Variants in MYO9A observed in about 807,000 individuals in gnomAD.
MYO9A encodes unconventional myosin-IXa.
MYO9A carries 103 observed loss-of-function variants against 293.3 expected under a neutral mutation model. The ratio of observed to expected loss-of-function variants is 0.35; its 90% CI spans 0.30 to 0.41. The LOEUF is 0.41. Among genes scored for constraint, MYO9A ranks in the 10% least tolerant of loss-of-function variants. The pLI is 1.00. For synonymous variants in MYO9A, 1,001 were observed against 1,035.7 expected (o/e 0.97, Z 0.64); for missense variants, 2,685 against 3,033.0 (o/e 0.89, Z 2.69).
chr15:72,118,102 G>A lies in MYO9A; in HGVS notation c.-494C>T. The stretch of plus-strand genomic sequence containing the variant: ...CGCGCGCCCCCGACCCCGCGCACGC[G>A]GCCCCGCCCCGCGCGACTCCCCGGC... On this transcript the variant is annotated 5_prime_UTR_variant, in exon 1 of 42. Transcript: ENST00000356056. The A allele has an allele frequency of 7.7e-6, 3 of 390,842 alleles. No homozygotes were observed. Among genetic ancestry groups the A allele is most frequent in the Non-Finnish European group, 1.4e-5 (3 of 221,284 alleles). 24.2% of individuals were successfully genotyped at this position (390,842 alleles called of 1,614,324 possible).
chr15:71,987,349 C>A (rs1337274636), intron 11 of MYO9A, among the ~76,000 whole-genome samples: 1 of 152,190 alleles, frequency 6.6e-6, no homozygotes, highest in South Asian at 2.1e-4. Context: ...AATTCAAGTC[C>A]TCTGCTAAAT....
chr15:71,953,998 C>T (rs987962074), intron 14 of MYO9A, among the ~76,000 whole-genome samples: 12 of 151,792 alleles, frequency 7.9e-5, no homozygotes, highest in Non-Finnish European at 1.5e-4. Flanking sequence ...CGGGTTCAAG[C>T]GATTCTCCTG....
chr15:72,077,612 A>C (rs1242377464), intron 1 of MYO9A, among the ~76,000 whole-genome samples: 1 of 151,532 alleles, frequency 6.6e-6, no homozygotes, highest in Non-Finnish European at 1.5e-5. Flanking sequence ...GAATCACTTG[A>C]ACCGGGGTGA....
intron 2 of MYO9A, among the ~76,000 whole-genome samples, chr15:72,033,832 A>C (rs984481214): frequency 3.9e-5 from 6 of 152,248 alleles, no homozygotes; most frequent in Non-Finnish European, 7.3e-5. Context: ...TGTTTTTAAA[A>C]ATGAAGCCAC....
At chr15:72,113,911 C>G (rs1482377966) in intron 1 of MYO9A, among the ~76,000 whole-genome samples, 1 of 151,968 alleles carries the variant, frequency 6.6e-6, no homozygotes, top group Non-Finnish European at 1.5e-5. Flanking sequence ...CGTTTTAAAA[C>G]AATTGCAGCC....
At chr15:72,105,145 A>T (rs1596589954) in intron 1 of MYO9A, among the ~76,000 whole-genome samples, 1 of 152,364 alleles carries the variant, frequency 6.6e-6, no homozygotes, top group Admixed American at 6.5e-5. Context: ...GATACCTCTG[A>T]AAGCTACAAG....
chr15:71,905,152 T>G, intron 19 of MYO9A, 146 bp from the exon 20 acceptor site: 2 of 497,038 alleles, frequency 4.0e-6, no homozygotes, highest in Non-Finnish European at 6.9e-6. Flanking sequence ...ATTGTGTATA[T>G]TCTCATACTG....
intron 32 of MYO9A, among the ~76,000 whole-genome samples, chr15:71,863,871 T>C (rs1208684328): frequency 6.6e-6 from 1 of 152,180 alleles, no homozygotes; most frequent in Non-Finnish European, 1.5e-5. Flanking sequence ...TCCTTTCAGA[T>C]AGTAATACGG....
At chr15:71,961,004 T>C (rs1428012178) in intron 13 of MYO9A, among the ~76,000 whole-genome samples, 4 of 152,164 alleles carry the variant, frequency 2.6e-5, no homozygotes, top group African/African-American at 9.7e-5. Flanking sequence ...TGAACTTCAG[T>C]TGTTTGTTCA....
chr15:71,994,649 T>C, intron 9 of MYO9A, 64 bp from the exon 10 acceptor site: 1 of 886,022 alleles, frequency 1.1e-6, no homozygotes, highest in East Asian at 2.8e-5. Flanking sequence ...TATGACAAAG[T>C]TGTTTGCTCC....
At chr15:71,924,387 G>A (rs563811162) in intron 18 of MYO9A, among the ~76,000 whole-genome samples, 136 of 152,006 alleles carry the variant, frequency 8.9e-4, no homozygotes, top group South Asian at 4.2e-3. Flanking sequence ...GAATACAGGC[G>A]CCTGCCACCA....
chr15:71,896,739 C>T (rs2057339651), intron 25 of MYO9A, among the ~76,000 whole-genome samples: 3 of 151,372 alleles, frequency 2.0e-5, no homozygotes, highest in East Asian at 1.9e-4. Flanking sequence ...GAGATCACAC[C>T]ACTGCACTCC....
intron 18 of MYO9A, among the ~76,000 whole-genome samples, chr15:71,926,307 T>C (rs577726704): frequency 6.6e-6 from 1 of 152,292 alleles, no homozygotes; most frequent in South Asian, 2.1e-4. Flanking sequence ...TATATGCCTA[T>C]AATCCCAGCA....
At chr15:72,021,573 C>T (rs2077503455) in intron 4 of MYO9A, among the ~76,000 whole-genome samples, 3 of 152,058 alleles carry the variant, frequency 2.0e-5, no homozygotes, top group East Asian at 1.9e-4. Context: ...CTGTGAACAG[C>T]CATATTCAAG....
chr15:72,009,974 T>A (rs1304603118), intron 7 of MYO9A, among the ~76,000 whole-genome samples: 1 of 152,186 alleles, frequency 6.6e-6, no homozygotes, highest in Non-Finnish European at 1.5e-5. Flanking sequence ...TTAAATACTA[T>A]GCATCTGATA....
intron 8 of MYO9A, among the ~76,000 whole-genome samples, chr15:72,007,089 T>C (rs147535845): frequency 8.5e-4 from 130 of 152,300 alleles, no homozygotes; most frequent in African/African-American, 3.0e-3. Flanking sequence ...TGAACTCATG[T>C]TTACCTTTAT....
chr15:71,841,677 C>G (rs2415121), intron 39 of MYO9A, among the ~76,000 whole-genome samples: 1 of 151,382 alleles, frequency 6.6e-6, no homozygotes, highest in Non-Finnish European at 1.5e-5. Context: ...AGGGTCTCCC[C>G]CTGTCACCCA....
intron 12 of MYO9A, among the ~76,000 whole-genome samples, chr15:71,972,474 G>T (rs891025754): frequency 3.3e-5 from 5 of 152,194 alleles, no homozygotes; most frequent in Admixed American, 2.0e-4. Context: ...GTTTGAAGGT[G>T]GGGTGGGGTG....
rs1378553723 is a variant in MYO9A at position 71,847,219 on chromosome 15, G to A, written c.6837+1626C>T. Among the ~76,000 whole-genome samples the A allele has an allele frequency of 2.6e-5, 4 of 152,166 alleles. No homozygotes were observed. The East Asian group carries it at 7.7e-4, about 29-fold the overall frequency. ...GGATGCTGTTCAACTACACAATACA[G>A]AGGAAGGAAAATGAAGGATCTAAAG... On this transcript the variant is annotated intron_variant, in intron 39 of 41. Coordinates refer to ENST00000356056, the MANE Select transcript of MYO9A (RefSeq NM_006901.4).
Sources: gnomAD v4.1 joint callset for allele counts (sites outside exome capture counted in the v4.1 genomes callset) on GRCh38, gnomAD v4.1.1 for gene constraint, MANE v1.5 for transcripts, NCBI Gene and HGNC (gene_info 2026-07-23, HGNC 2026-07-21) for gene names.